Variants in TRIM44 observed in about 807,000 individuals in gnomAD.
TRIM44 encodes the protein tripartite motif containing 44.
In TRIM44, 13 loss-of-function variants were observed where a neutral mutation model predicts 37.4. The observed-to-expected ratio is 0.35, with a 90% CI of 0.23 to 0.55. TRIM44 has a LOEUF of 0.55. Among genes scored for constraint, TRIM44 ranks in the 20% least tolerant of loss-of-function variants. TRIM44 has a pLI of 0.89. For synonymous variants in TRIM44, 175 were observed against 157.2 expected, an observed-to-expected ratio of 1.11 and a Z score of -0.85; for missense variants, 426 against 437.2, an observed-to-expected ratio of 0.97 and a Z score of 0.23.
chr11:35,667,836 GTAGCCT>G (rs1851348998), intron 1 of TRIM44, among the ~76,000 whole-genome samples: 1 of 152,098 alleles, frequency 6.6e-6, no homozygotes, highest in Admixed American at 6.6e-5. Context: ...TCATAATGAA[GTAGCCT>G]TATGTTTTTG....
intron 2 of TRIM44, among the ~76,000 whole-genome samples, chr11:35,689,568 T>A (rs1851617671): frequency 6.6e-6 from 1 of 152,236 alleles, no homozygotes; most frequent in Non-Finnish European, 1.5e-5. Flanking sequence ...CAAGCAGGAT[T>A]CTTATCTGTA....
intron 1 of TRIM44, among the ~76,000 whole-genome samples, chr11:35,677,623 A>G (rs1389857833): frequency 6.6e-6 from 1 of 152,152 alleles, no homozygotes. Flanking sequence ...ATTTCTTAAG[A>G]TAATTTTATA....
chr11:35,721,680 A>G (rs1243592007), intron 2 of TRIM44, among the ~76,000 whole-genome samples: 1 of 152,200 alleles, frequency 6.6e-6, no homozygotes, highest in African/African-American at 2.4e-5. Context: ...TCAATACCCC[A>G]TTGTAAAACC....
rs1158058399 is a variant in TRIM44, at chr11:35,806,354, G to A, written c.1008-4G>A. ...ACTCACCTGGTTCTCCTTTTCCTTT[G>A]TAGTGGTGCCAGTGAAGAAGAGGAC... On this transcript the variant is annotated splice_region_variant and splice_polypyrimidine_tract_variant and intron_variant, in intron 4 of 4. Transcript: ENST00000299413. The A allele has an allele frequency of 6.8e-6, 11 of 1,613,544 alleles. No homozygotes were observed. The highest frequency in any genetic ancestry group is 3.3e-5 in the Admixed American group (2 of 59,992).
intron 2 of TRIM44, among the ~76,000 whole-genome samples, chr11:35,704,783 A>G (rs1237408201): frequency 6.6e-6 from 1 of 152,204 alleles, no homozygotes; most frequent in African/African-American, 2.4e-5. Context: ...CAAAGGAACA[A>G]CCGGTACCAG....
intron 3 of TRIM44, among the ~76,000 whole-genome samples, chr11:35,726,645 G>A (rs571971153): frequency 2.0e-5 from 3 of 150,124 alleles, no homozygotes; most frequent in Non-Finnish European, 4.4e-5. Flanking sequence ...CATAACTGCT[G>A]GATTAAGAAT....
intron 2 of TRIM44, among the ~76,000 whole-genome samples, chr11:35,703,650 A>G (rs967377835): frequency 6.6e-6 from 1 of 152,234 alleles, no homozygotes; most frequent in Non-Finnish European, 1.5e-5. Context: ...CCAGGCAAAC[A>G]GGATCTGGAG....
chr11:35,738,178 A>T (rs1310775770), intron 4 of TRIM44, among the ~76,000 whole-genome samples: 3 of 152,196 alleles, frequency 2.0e-5, no homozygotes, highest in African/African-American at 4.8e-5. Context: ...AGGAGAGCCG[A>T]ATTAGGGTGA....
chr11:35,744,189 A>T (rs1852454646), intron 4 of TRIM44, among the ~76,000 whole-genome samples: 1 of 152,220 alleles, frequency 6.6e-6, no homozygotes, highest in African/African-American at 2.4e-5. Context: ...TCCCTATTAG[A>T]GTAGCCAGAT....
At chr11:35,678,203 A>G (rs1038987230) in intron 1 of TRIM44, among the ~76,000 whole-genome samples, 1 of 152,186 alleles carries the variant, frequency 6.6e-6, no homozygotes, top group Non-Finnish European at 1.5e-5. Flanking sequence ...TCTGGTTTAT[A>G]TTCTTAAAAC....
chr11:35,737,320 T>C (rs1689506611), intron 4 of TRIM44, among the ~76,000 whole-genome samples: 1 of 152,138 alleles, frequency 6.6e-6, no homozygotes, highest in African/African-American at 2.4e-5. Flanking sequence ...GGAATTAACC[T>C]GAACAGATTT....
At chr11:35,709,766 C>T (rs1329979576) in intron 2 of TRIM44, among the ~76,000 whole-genome samples, 1 of 152,168 alleles carries the variant, frequency 6.6e-6, no homozygotes, top group Non-Finnish European at 1.5e-5. Flanking sequence ...TCACTCAGCA[C>T]TCCTGGGGGT....
intron 4 of TRIM44, among the ~76,000 whole-genome samples, chr11:35,758,260 T>C (rs1196822421): frequency 6.6e-6 from 1 of 152,238 alleles, no homozygotes; most frequent in Non-Finnish European, 1.5e-5. Context: ...GTAATGGCCT[T>C]CTTTGTCTCT....
chr11:35,745,853 G>T (rs1483967842), intron 4 of TRIM44, among the ~76,000 whole-genome samples: 1 of 152,124 alleles, frequency 6.6e-6, no homozygotes, highest in Non-Finnish European at 1.5e-5. Context: ...GAAAACCCAT[G>T]CAGACATGGG....
intron 1 of TRIM44, among the ~76,000 whole-genome samples, chr11:35,673,116 G>A (rs940714369): frequency 2.6e-5 from 4 of 152,232 alleles, no homozygotes; most frequent in Non-Finnish European, 5.9e-5. Context: ...ACTCTCTACA[G>A]TGGGAAAGAA....
At chr11:35,696,662 C>T (rs974160257) in intron 2 of TRIM44, among the ~76,000 whole-genome samples, 25 of 151,446 alleles carry the variant, frequency 1.7e-4, no homozygotes, top group Admixed American at 7.2e-4. Flanking sequence ...TCCTGGCCAA[C>T]GTGGTGAAAC....
At chr11:35,768,719 T>C (rs1852828586) in intron 4 of TRIM44, among the ~76,000 whole-genome samples, 2 of 152,240 alleles carry the variant, frequency 1.3e-5, no homozygotes, top group Admixed American at 1.3e-4. Flanking sequence ...TTGTCAGTTA[T>C]TGATGTATGT....
intron 2 of TRIM44, 107 bp downstream of exon 2, chr11:35,685,443 G>A: frequency 2.2e-6 from 2 of 911,170 alleles, no homozygotes; most frequent in Non-Finnish European, 3.5e-6. Flanking sequence ...ATTGCATTAA[G>A]ATTTAATTAA....
chr11:35,686,702 A>G (rs1851586412), intron 2 of TRIM44, among the ~76,000 whole-genome samples: 1 of 152,098 alleles, frequency 6.6e-6, no homozygotes, highest in Non-Finnish European at 1.5e-5. Context: ...GACTACAGGC[A>G]CATGCCACCA....
Sources: allele counts gnomAD v4.1 joint callset (sites outside exome capture counted in the v4.1 genomes callset), GRCh38; gene constraint gnomAD v4.1.1; transcripts MANE v1.5; gene names NCBI Gene and HGNC (gene_info 2026-07-23, HGNC 2026-07-21).